GFOD1: variants seen among roughly 807,000 people sequenced by gnomAD.
The protein encoded by GFOD1 is glucose-fructose oxidoreductase domain-containing protein 1.
GFOD1 carries 9 observed loss-of-function variants against 25.4 expected under a neutral mutation model. That is an observed-to-expected ratio of 0.35 (90% confidence interval 0.21 to 0.62). The LOEUF is 0.62. Among genes scored for constraint, GFOD1 ranks in the 20% least tolerant of loss-of-function variants. The pLI, the probability that GFOD1 is intolerant of heterozygous loss-of-function variation, is 0.72. For synonymous variants in GFOD1, 253 were observed against 245.6 expected (o/e 1.03, Z -0.28); for missense variants, 403 against 556.9 (o/e 0.72, Z 2.78).
At chr6:13,404,503 A>G (rs749127849) in intron 1 of GFOD1, among the ~76,000 whole-genome samples, 24 of 152,336 alleles carry the variant, frequency 1.6e-4, no homozygotes, top group Non-Finnish European at 2.9e-4. Flanking sequence ...CTTTTTTGCT[A>G]CAGCCAAGGG....
chr6:13,465,549 A>G (rs1447626159), intron 1 of GFOD1, among the ~76,000 whole-genome samples: 1 of 152,218 alleles, frequency 6.6e-6, no homozygotes, highest in Non-Finnish European at 1.5e-5. Flanking sequence ...GCTTCTTAAC[A>G]TTGAGGAGCT....
intron 1 of GFOD1, among the ~76,000 whole-genome samples, chr6:13,366,017 AGCT>A (rs1280205733): frequency 6.6e-6 from 1 of 151,082 alleles, no homozygotes; most frequent in East Asian, 1.9e-4. Flanking sequence ...GGCTGCAGTG[AGCT>A]ATGTTCTGGC....
chr6:13,401,507 T>C (rs913347266), intron 1 of GFOD1, among the ~76,000 whole-genome samples: 4 of 152,166 alleles, frequency 2.6e-5, no homozygotes, highest in African/African-American at 9.7e-5. Context: ...TTATGGATAA[T>C]GGGGCACTAT....
intron 1 of GFOD1, among the ~76,000 whole-genome samples, chr6:13,407,515 G>A (rs1433043875): frequency 6.6e-6 from 1 of 152,176 alleles, no homozygotes; most frequent in Non-Finnish European, 1.5e-5. Context: ...GACCAGAATG[G>A]CCCAGACAGT....
intron 1 of GFOD1, among the ~76,000 whole-genome samples, chr6:13,411,586 C>T (rs1215697761): frequency 1.3e-5 from 2 of 152,200 alleles, no homozygotes; most frequent in African/African-American, 4.8e-5. Flanking sequence ...GCCACCGCGC[C>T]TGGCCCTCAG....
intron 1 of GFOD1, among the ~76,000 whole-genome samples, chr6:13,380,014 A>G (rs78466377): frequency 6.6e-6 from 1 of 152,384 alleles, no homozygotes; most frequent in East Asian, 1.9e-4. Flanking sequence ...ATGAAAGGAC[A>G]GATGGGCACT....
chr6:13,456,779 G>A (rs1758197501), intron 1 of GFOD1, among the ~76,000 whole-genome samples: 1 of 152,214 alleles, frequency 6.6e-6, no homozygotes, highest in African/African-American at 2.4e-5. Context: ...TGTCTTGGGA[G>A]CCAGGAGGTC....
At chr6:13,450,085 C>G (rs1362516066) in intron 1 of GFOD1, among the ~76,000 whole-genome samples, 1 of 152,142 alleles carries the variant, frequency 6.6e-6, no homozygotes, top group African/African-American at 2.4e-5. Flanking sequence ...AAATTCTGTT[C>G]CTGAGAATTT....
chr6:13,410,564 T>A (rs1786054628), intron 1 of GFOD1, among the ~76,000 whole-genome samples: 1 of 121,188 alleles, frequency 8.3e-6, no homozygotes, highest in South Asian at 2.5e-4. Context: ...CAAAACTCTG[T>A]CAAAGAAAGA....
At chr6:13,389,618 T>G (rs1206686089) in intron 1 of GFOD1, among the ~76,000 whole-genome samples, 5 of 146,072 alleles carry the variant, frequency 3.4e-5, no homozygotes, top group East Asian at 2.0e-4. Flanking sequence ...TGTTGGGGGG[T>G]GCGGGGTGGG....
At chr6:13,437,591 C>T (rs1757853511) in intron 1 of GFOD1, among the ~76,000 whole-genome samples, 1 of 152,188 alleles carries the variant, frequency 6.6e-6, no homozygotes, top group African/African-American at 2.4e-5. Context: ...GGCAGAACAG[C>T]TATCATTGTT....
chr6:13,466,988 C>T (rs1213291803), intron 1 of GFOD1, among the ~76,000 whole-genome samples: 1 of 152,010 alleles, frequency 6.6e-6, no homozygotes, highest in East Asian at 1.9e-4. Flanking sequence ...GGCAAGCAGC[C>T]GTCCCACTAA....
intron 1 of GFOD1, among the ~76,000 whole-genome samples, chr6:13,402,807 C>T (rs1785872724): frequency 6.6e-6 from 1 of 152,202 alleles, no homozygotes; most frequent in Non-Finnish European, 1.5e-5. Flanking sequence ...GACCATATGA[C>T]CCAGCAATTC....
At chr6:13,409,297 G>A (rs9395754) in intron 1 of GFOD1, among the ~76,000 whole-genome samples, 1 of 34,028 alleles carries the variant, frequency 2.9e-5, no homozygotes, top group African/African-American at 4.1e-5. Context: ...AGGAAGGAAG[G>A]AAGAAAGGAA....
intron 1 of GFOD1, among the ~76,000 whole-genome samples, chr6:13,403,058 A>G (rs894392057): frequency 1.3e-5 from 2 of 151,066 alleles, no homozygotes; most frequent in African/African-American, 4.9e-5. Flanking sequence ...GTGTACTTAC[A>G]CAAACCTAAA....
At chr6:13,468,123 T>C (rs921914614) in intron 1 of GFOD1, among the ~76,000 whole-genome samples, 1 of 152,210 alleles carries the variant, frequency 6.6e-6, no homozygotes, top group African/African-American at 2.4e-5. Flanking sequence ...AAAAAATTTA[T>C]AATCCCATTA....
At chr6:13,480,027 C>G (rs1445924837) in intron 1 of GFOD1, among the ~76,000 whole-genome samples, 2 of 152,184 alleles carry the variant, frequency 1.3e-5, no homozygotes, top group African/African-American at 4.8e-5. Flanking sequence ...TGCTGGCCAG[C>G]AAAATCCTCT....
chr6:13,374,728 C>CTTTTTTTTTTTTTTTTTTTT (rs147560408), intron 1 of GFOD1, among the ~76,000 whole-genome samples: 1 of 66,780 alleles, frequency 1.5e-5, no homozygotes, highest in Admixed American at 2.3e-4. Flanking sequence ...CATCTCAAAT[C>CTTTTTTTTTTTTTTTTTTTT]TTTTTTTTTT....
intron 1 of GFOD1, among the ~76,000 whole-genome samples, chr6:13,444,711 T>G (rs1478469493): frequency 2.0e-5 from 3 of 152,162 alleles, no homozygotes; most frequent in Non-Finnish European, 4.4e-5. Flanking sequence ...GTATGTACAT[T>G]GTTCTTTAGA....
Sources: gnomAD v4.1 joint callset for allele counts (sites outside exome capture counted in the v4.1 genomes callset) on GRCh38, gnomAD v4.1.1 for gene constraint, MANE v1.5 for transcripts, NCBI Gene and HGNC (gene_info 2026-07-23, HGNC 2026-07-21) for gene names.